Variants in TRIO observed in about 807,000 individuals in gnomAD.
TRIO encodes trio Rho guanine nucleotide exchange factor.
TRIO carries 58 observed loss-of-function variants against 351.9 expected under a neutral mutation model. The observed-to-expected ratio is 0.16, with a 90% CI of 0.13 to 0.21. The LOEUF (loss-of-function observed/expected upper bound fraction) is 0.21. Among genes scored for constraint, TRIO ranks in the 10% least tolerant of loss-of-function variants. The pLI is 1.00. For missense variants in TRIO, 3,201 were observed against 4,027.8 expected (o/e 0.79, Z 5.56); for synonymous variants, 1,758 against 1,595.7 (o/e 1.10, Z -2.42).
intron 34 of TRIO, among the ~76,000 whole-genome samples, chr5:14,458,282 G>T (rs1753516738): frequency 6.6e-6 from 1 of 152,086 alleles, no homozygotes; most frequent in South Asian, 2.1e-4. Flanking sequence ...TGTAATACTT[G>T]TGTGCCTACT....
chr5:14,282,124 G>A (rs1259733128), intron 3 of TRIO, among the ~76,000 whole-genome samples: 1 of 152,188 alleles, frequency 6.6e-6, no homozygotes, highest in East Asian at 1.9e-4. Flanking sequence ...GACTAAGTGA[G>A]CCCTACTTAT....
intron 1 of TRIO, among the ~76,000 whole-genome samples, chr5:14,177,165 T>C (rs1016542940): frequency 6.6e-6 from 1 of 152,356 alleles, no homozygotes; most frequent in Non-Finnish European, 1.5e-5. Flanking sequence ...AGGTGATTTA[T>C]TCTGGAATTC....
At chr5:14,296,134 AG>A (rs1737340606) in intron 6 of TRIO, among the ~76,000 whole-genome samples, 1 of 152,106 alleles carries the variant, frequency 6.6e-6, no homozygotes, top group African/African-American at 2.4e-5. Context: ...AAGTGAGAGA[AG>A]GGGGAAAAAC....
At chr5:14,144,182 GC>G in intron 1 of TRIO, among the ~76,000 whole-genome samples, 1 of 152,334 alleles carries the variant, frequency 6.6e-6, no homozygotes, top group Admixed American at 6.5e-5. Flanking sequence ...GCTCCCGGCA[GC>G]CGCGGCTTCG....
chr5:14,283,844 G>A (rs1736215491), intron 3 of TRIO, among the ~76,000 whole-genome samples: 2 of 151,716 alleles, frequency 1.3e-5, no homozygotes, highest in African/African-American at 4.8e-5. Context: ...CACTAAACGT[G>A]TGTAGGAGAA....
chr5:14,286,961 G>A lies in TRIO; in HGVS notation c.438G>A (p.Gln146=), dbSNP rs764105365. The A allele has an allele frequency of 2.5e-6, 4 of 1,614,218 alleles. No individual in the cohort carries two copies. In the Admixed American group the frequency reaches 6.7e-5, roughly 27 times the overall value. The change falls in exon 4 of 57, where the codon CAG becomes CAA. Residue 146 remains glutamine, a synonymous_variant. Transcript: ENST00000344204. This position sits in a 1 kb window ranked among gnomAD's most constrained non-coding sequence, Gnocchi z 4.4. The part of the protein sequence containing the change: ...DSIKPLLKIL[Q]ESFPCCIHVA... ...TCAAGCCCCTTCTGAAGATCCTGCA[G>A]GAGTCCTTCCCCTGCTGCATCCATG...
intron 9 of TRIO, among the ~76,000 whole-genome samples, chr5:14,321,407 T>G (rs1739869673): frequency 6.6e-6 from 1 of 152,238 alleles, no homozygotes; most frequent in African/African-American, 2.4e-5. Context: ...CATGCTTACC[T>G]GCGCCGAATG....
intron 1 of TRIO, among the ~76,000 whole-genome samples, chr5:14,260,734 T>G (rs1189842189): frequency 6.6e-6 from 1 of 152,250 alleles, no homozygotes; most frequent in Non-Finnish European, 1.5e-5. Context: ...GGCATGGACC[T>G]AAAGTATCTT....
intron 1 of TRIO, among the ~76,000 whole-genome samples, chr5:14,169,055 T>G (rs1297401195): frequency 1.3e-5 from 2 of 152,218 alleles, no homozygotes; most frequent in Non-Finnish European, 2.9e-5. Context: ...GATTTTTGCT[T>G]TTTAATTGGG....
intron 34 of TRIO, chr5:14,440,802 T>G (rs1751968084): frequency 6.6e-6 from 1 of 152,120 alleles, no homozygotes; most frequent in South Asian, 2.1e-4. Flanking sequence ...GGGAAGCCAT[T>G]CAGAACGGCC....
chr5:14,465,614 A>G lies in TRIO; in HGVS notation c.5737A>G (p.Ile1913Val). The G allele has an allele frequency of 6.2e-7, 1 of 1,614,110 alleles. No homozygotes were observed. The highest frequency in any genetic ancestry group is 8.5e-7 in the Non-Finnish European group (1 of 1,180,000). Residue 1913 changes from isoleucine to valine, a missense_variant, in exon 37 of 57, where the codon ATT becomes GTT. Physicochemically the swap from Ile to Val is conservative, Grantham distance 29. Around this residue, in one of 19 missense-constraint regions of TRIO, gnomAD observed 307 missense variants for 396.5 expected, o/e 0.77. Coordinates refer to ENST00000344204, the MANE Select transcript of TRIO (RefSeq NM_007118.4). ...GAGTGCAGCCGAGCTCGTCAGTGCAATTGAGGAACTCGTGAAAAGCAAGAT... is the reference window on the plus strand; with the variant it reads ...GAGTGCAGCCGAGCTCGTCAGTGCAGTTGAGGAACTCGTGAAAAGCAAGAT... Reference protein sequence around the residue: ...TPSAAELVSAIEELVKSKMAL... With the variant: ...TPSAAELVSAVEELVKSKMAL...
chr5:14,419,638 C>T, intron 33 of TRIO, 140 bp from the exon 34 acceptor site: 2 of 1,075,114 alleles, frequency 1.9e-6, no homozygotes, highest in South Asian at 1.6e-5. Flanking sequence ...ACGGAGAGTG[C>T]AGTGATCACA....
intron 1 of TRIO, among the ~76,000 whole-genome samples, chr5:14,154,955 G>T (rs954596989): frequency 6.6e-6 from 1 of 152,158 alleles, no homozygotes; most frequent in Non-Finnish European, 1.5e-5. Flanking sequence ...AAGACCCTGG[G>T]TTGCTTTTGA....
chr5:14,227,537 A>G (rs544741131), intron 1 of TRIO, among the ~76,000 whole-genome samples: 10 of 152,296 alleles, frequency 6.6e-5, no homozygotes, highest in African/African-American at 1.4e-4. Context: ...TTAGTTATCT[A>G]TTGTGTTCTC....
At chr5:14,380,303 G>T (rs145160050) in intron 20 of TRIO, among the ~76,000 whole-genome samples, 7 of 115,654 alleles carry the variant, frequency 6.1e-5, no homozygotes, top group African/African-American at 2.7e-4. Context: ...CCTCCTTCGC[G>T]CCCCGCCTCC....
intron 1 of TRIO, among the ~76,000 whole-genome samples, chr5:14,224,772 A>G (rs1235974821): frequency 6.6e-6 from 1 of 152,210 alleles, no homozygotes; most frequent in African/African-American, 2.4e-5. Flanking sequence ...GTTGAATTAT[A>G]GACATGAGAG....
intron 2 of TRIO, among the ~76,000 whole-genome samples, chr5:14,271,824 T>G (rs165092): frequency 0.52 from 79,043 of 152,050 alleles, 20,901 homozygotes; most frequent in East Asian, 0.58. Flanking sequence ...TTTATAAGTT[T>G]TTCTGTCCTT....
At chr5:14,265,262 C>A (rs165095) in intron 1 of TRIO, among the ~76,000 whole-genome samples, 67,414 of 151,788 alleles carry the variant, frequency 0.44, 17,163 homozygotes, top group East Asian at 0.59. Flanking sequence ...CGCATCAGTT[C>A]ATTTTGTTCA....
chr5:14,321,766 C>G (rs1476499036), intron 9 of TRIO, among the ~76,000 whole-genome samples: 3 of 152,134 alleles, frequency 2.0e-5, no homozygotes, highest in Non-Finnish European at 4.4e-5. Context: ...ATGGGAGGGA[C>G]CCAGTGAGAG....
Sources: gnomAD v4.1 joint callset for allele counts (sites outside exome capture counted in the v4.1 genomes callset) on GRCh38, gnomAD v4.1.1 for gene constraint, gnomAD v4.1.1 regional missense constraint, Gnocchi (gnomAD v3.1) non-coding constraint, MANE v1.5 for transcripts, NCBI Gene and HGNC (gene_info 2026-07-23, HGNC 2026-07-21) for gene names.